The following SIPA1L1 variants were observed in gnomAD, a reference collection of about 807,000 sequenced individuals.
SIPA1L1 encodes the protein signal-induced proliferation-associated 1-like protein 1.
A neutral mutation model predicts 162.7 loss-of-function variants in SIPA1L1; 26 were observed. The observed-to-expected ratio is 0.16, with a 90% CI of 0.12 to 0.22. The LOEUF is 0.22. SIPA1L1 is among the 10% of genes least tolerant of loss of function. SIPA1L1 has a pLI of 1.00. For missense variants in SIPA1L1, 1,874 were observed against 2,241.0 expected (o/e 0.84, Z 3.31); for synonymous variants, 829 against 837.4 (o/e 0.99, Z 0.17).
rs2081275824 is a variant in SIPA1L1 at position 71,691,812 on chromosome 14, CAAAACACTCTCCTCCCATTT to C, written c.3374+6182_3374+6201del. On this transcript the variant is annotated intron_variant, in intron 13 of 23. Transcript: ENST00000381232. ...TCTGACAAGTCGCCTTTAATTTCCC[CAAAACACTCTCCTCCCATTT>C]CTACCTTAATTGCCTCACTAGGAAT... 2.0e-5 allele frequency among the ~76,000 whole-genome samples: 3 copies of C among 152,178 alleles called. No homozygotes were observed. In the South Asian group the frequency reaches 6.2e-4, roughly 31 times the overall value.
intron 17 of SIPA1L1, among the ~76,000 whole-genome samples, chr14:71,717,807 G>A (rs2083385925): frequency 6.6e-6 from 1 of 152,168 alleles, no homozygotes; most frequent in Non-Finnish European, 1.5e-5. Flanking sequence ...ATTTTAGAGT[G>A]GGAGGAGTTG....
At chr14:71,650,260 A>G in intron 7 of SIPA1L1, 75 bp from the exon 8 acceptor site, 2 of 1,453,434 alleles carry the variant, frequency 1.4e-6, no homozygotes, top group Non-Finnish European at 1.9e-6. Context: ...TGTGCCCTAT[A>G]GGACCTTTTA....
At chr14:71,503,556 T>C (rs960456100) in intron 2 of SIPA1L1, among the ~76,000 whole-genome samples, 3 of 152,222 alleles carry the variant, frequency 2.0e-5, no homozygotes, top group Non-Finnish European at 2.9e-5. Flanking sequence ...TTATGGTAAT[T>C]GCCAAAGGTG....
At chr14:71,420,051 T>C (rs1197943939) in intron 2 of SIPA1L1, among the ~76,000 whole-genome samples, 1 of 152,124 alleles carries the variant, frequency 6.6e-6, no homozygotes, top group African/African-American at 2.4e-5. Flanking sequence ...TTAAAGCTTT[T>C]GTAGTTATAA....
chr14:71,528,546 C>T (rs562310920), intron 3 of SIPA1L1, among the ~76,000 whole-genome samples: 1 of 151,812 alleles, frequency 6.6e-6, no homozygotes, highest in Non-Finnish European at 1.5e-5. Context: ...TTCAGCTACT[C>T]GGGAGGCTGG....
At chr14:71,646,428 G>A (rs1025851663) in intron 7 of SIPA1L1, among the ~76,000 whole-genome samples, 5 of 152,050 alleles carry the variant, frequency 3.3e-5, no homozygotes, top group Admixed American at 6.5e-5. Context: ...CACCCGCCTC[G>A]GCCTCCCAAA....
chr14:71,604,716 A>G (rs1204328843), intron 5 of SIPA1L1, among the ~76,000 whole-genome samples: 1 of 151,762 alleles, frequency 6.6e-6, no homozygotes, highest in Non-Finnish European at 1.5e-5. Context: ...CTTCTAATAT[A>G]TCTTCCCATT....
chr14:71,335,826 T>C (rs145094325), intron 2 of SIPA1L1, among the ~76,000 whole-genome samples: 101 of 152,348 alleles, frequency 6.6e-4, no homozygotes, highest in African/African-American at 2.3e-3. Context: ...TACTGTACAT[T>C]ATTTTGTTTC....
chr14:71,632,637 C>T (rs1167152420), intron 7 of SIPA1L1, among the ~76,000 whole-genome samples: 1 of 152,146 alleles, frequency 6.6e-6, no homozygotes, highest in Non-Finnish European at 1.5e-5. Flanking sequence ...CATTTTTGCA[C>T]ACCCAGCAAT....
chr14:71,434,826 C>T (rs936044324), intron 2 of SIPA1L1, among the ~76,000 whole-genome samples: 1 of 152,186 alleles, frequency 6.6e-6, no homozygotes, highest in Non-Finnish European at 1.5e-5. Flanking sequence ...AGTGATCCTC[C>T]CACCTTGGCC....
intron 4 of SIPA1L1, chr14:71,573,555 AC>A (rs1347227132): frequency 2.2e-6 from 1 of 456,726 alleles, no homozygotes; most frequent in East Asian, 6.9e-5. Context: ...GGAAGGGCAA[AC>A]CAGCAGAGCT....
chr14:71,417,489 A>AAAAAAAAAAAAAAAG, intron 2 of SIPA1L1, among the ~76,000 whole-genome samples: 1 of 143,444 alleles, frequency 7.0e-6, no homozygotes, highest in Non-Finnish European at 1.5e-5. Flanking sequence ...AAAAAAAAAA[A>AAAAAAAAAAAAAAAG]AAAAAAAAAA....
At chr14:71,531,699 G>A (rs909938902) in intron 4 of SIPA1L1, among the ~76,000 whole-genome samples, 1 of 152,006 alleles carries the variant, frequency 6.6e-6, no homozygotes. Flanking sequence ...CAATTAGCTG[G>A]GAATACAGGC....
At chr14:71,406,627 C>G (rs2042045495) in intron 2 of SIPA1L1, among the ~76,000 whole-genome samples, 1 of 152,084 alleles carries the variant, frequency 6.6e-6, no homozygotes, top group African/African-American at 2.4e-5. Flanking sequence ...TTGATTTTTA[C>G]CCAAAATTCA....
At chr14:71,419,339 T>C (rs1341300882) in intron 2 of SIPA1L1, among the ~76,000 whole-genome samples, 3 of 151,888 alleles carry the variant, frequency 2.0e-5, no homozygotes, top group Non-Finnish European at 4.4e-5. Context: ...TTTTGAGAAA[T>C]TGACTAGGTA....
At chr14:71,348,913 A>T (rs960672982) in intron 2 of SIPA1L1, among the ~76,000 whole-genome samples, 1 of 152,214 alleles carries the variant, frequency 6.6e-6, no homozygotes, top group African/African-American at 2.4e-5. Context: ...AAACTCTACC[A>T]TTAATTTGAG....
At chr14:71,655,732 C>T (rs926656631) in intron 8 of SIPA1L1, among the ~76,000 whole-genome samples, 2 of 152,134 alleles carry the variant, frequency 1.3e-5, no homozygotes, top group Non-Finnish European at 2.9e-5. Context: ...TGATGTTGAG[C>T]ATTTTTTCAT....
At chr14:71,354,210 T>C (rs2140687022) in intron 2 of SIPA1L1, among the ~76,000 whole-genome samples, 1 of 151,890 alleles carries the variant, frequency 6.6e-6, no homozygotes, top group East Asian at 1.9e-4. Flanking sequence ...GCGATTAGAG[T>C]CTAAACATGA....
chr14:71,570,863 T>G (rs762138750), intron 4 of SIPA1L1, among the ~76,000 whole-genome samples: 141 of 152,198 alleles, frequency 9.3e-4, no homozygotes, highest in Non-Finnish European at 1.8e-3. Flanking sequence ...CTCGGCTCAC[T>G]GTAACCTCTG....
Sources: gnomAD v4.1 joint callset for allele counts (sites outside exome capture counted in the v4.1 genomes callset) on GRCh38, gnomAD v4.1.1 for gene constraint, MANE v1.5 for transcripts, NCBI Gene and HGNC (gene_info 2026-07-23, HGNC 2026-07-21) for gene names.